Variants in ANKRD17 observed in about 807,000 individuals in gnomAD.
ANKRD17 encodes the protein ankyrin repeat domain-containing protein 17.
In ANKRD17, 19 loss-of-function variants were observed where a neutral mutation model predicts 229.7. The ratio of observed to expected loss-of-function variants is 0.08; its 90% CI spans 0.06 to 0.12. The LOEUF (loss-of-function observed/expected upper bound fraction) is 0.12, where lower values mean the gene tolerates loss of function less well. Ranked by LOEUF, ANKRD17 falls within the 10% of genes least tolerant of loss-of-function variation. The pLI is 1.00. For missense variants in ANKRD17, 2,176 were observed against 3,176.8 expected, an observed-to-expected ratio of 0.68 and a Z score of 7.57; for synonymous variants, 1,112 against 1,146.1, an observed-to-expected ratio of 0.97 and a Z score of 0.60.
intron 1 of ANKRD17, among the ~76,000 whole-genome samples, chr4:73,193,753 G>A (rs536533937): frequency 3.2e-4 from 49 of 152,154 alleles, no homozygotes; most frequent in South Asian, 1.9e-3. Flanking sequence ...GGTCAACGTG[G>A]CAAAATCCCA....
In ANKRD17 at chr4:73,078,797, G is replaced by C. The variant is rs756473976; in HGVS notation, c.7253C>G (p.Ser2418Cys). The C allele has an allele frequency of 6.2e-7, 1 of 1,614,152 alleles. No individual in the cohort carries two copies. The highest frequency in any genetic ancestry group is 8.5e-7 in the Non-Finnish European group (1 of 1,180,012). The change falls in exon 31 of 34, where the codon TCT (serine) becomes TGT (cysteine). Residue 2418 changes from serine to cysteine, a missense_variant. Coordinates refer to ENST00000358602, the MANE Select transcript of ANKRD17 (RefSeq NM_032217.5). Reference protein sequence around the residue: ...PLGSEKPSNVSQDRKVPVPIG... With the variant: ...PLGSEKPSNVCQDRKVPVPIG... The stretch of plus-strand genomic sequence containing the variant: ...AGGGACTGGAACTTTCCTGTCCTGA[G>C]ACACATTGCTGGGCTTTTCTGACCC...
At chr4:73,258,231 C>A in intron 1 of ANKRD17, 45 bp downstream of exon 1, 1 of 1,612,526 alleles carries the variant, frequency 6.2e-7, no homozygotes, top group Non-Finnish European at 8.5e-7. Flanking sequence ...GCCCCTATCC[C>A]TTACAGTCCC....
At chr4:73,246,040 C>T (rs1189697620) in intron 1 of ANKRD17, among the ~76,000 whole-genome samples, 1 of 152,094 alleles carries the variant, frequency 6.6e-6, no homozygotes, top group Non-Finnish European at 1.5e-5. Flanking sequence ...GATGTCACAC[C>T]CTCCAATGCC....
chr4:73,148,181 G>GT (rs376273698), intron 8 of ANKRD17, among the ~76,000 whole-genome samples: 13 of 152,034 alleles, frequency 8.6e-5, no homozygotes, highest in Middle Eastern at 3.4e-3. Context: ...AAAAACAAAA[G>GT]TTTTTTTTAA....
chr4:73,078,802 A>G lies in ANKRD17; in HGVS notation c.7248T>C (p.Asn2416=), dbSNP rs765171208. 3.2e-5 allele frequency: 52 copies of G among 1,613,968 alleles called. No homozygotes were observed. Among genetic ancestry groups the G allele is most frequent in the Non-Finnish European group, 2.8e-5 (33 of 1,180,026 alleles). Residue 2416 remains asparagine, a synonymous_variant, in exon 31 of 34, where the codon AAT becomes AAC. Coordinates refer to ENST00000358602, the MANE Select transcript of ANKRD17 (RefSeq NM_032217.5). ...CTGGAACTTTCCTGTCCTGAGACAC[A>G]TTGCTGGGCTTTTCTGACCCTAACG... is the stretch of plus-strand genomic sequence containing the variant. The part of the protein sequence containing the change: ...SVPLGSEKPS[N]VSQDRKVPVP...
intron 1 of ANKRD17, among the ~76,000 whole-genome samples, chr4:73,251,207 T>C (rs1413005558): frequency 1.3e-5 from 2 of 152,238 alleles, no homozygotes; most frequent in Non-Finnish European, 1.5e-5. Context: ...ATTAGAGCTA[T>C]ATTATTTGAA....
At chr4:73,124,288 G>GAAAAAAA (rs59284237) in intron 18 of ANKRD17, among the ~76,000 whole-genome samples, 6 of 96,230 alleles carry the variant, frequency 6.2e-5, no homozygotes, top group African/African-American at 1.4e-4. Context: ...GACTGAATTT[G>GAAAAAAA]AAAAAAAAAA....
At chr4:73,123,272 G>A (rs1726998141) in intron 18 of ANKRD17, among the ~76,000 whole-genome samples, 2 of 151,818 alleles carry the variant, frequency 1.3e-5, no homozygotes, top group South Asian at 4.1e-4. Context: ...ATGATTGAAA[G>A]GCAAAATTTT....
intron 24 of ANKRD17, among the ~76,000 whole-genome samples, chr4:73,105,134 G>A (rs1356563532): frequency 6.6e-6 from 1 of 152,058 alleles, no homozygotes; most frequent in Admixed American, 6.6e-5. Context: ...ACCTTCTGGG[G>A]GGAGATACCA....
At chr4:73,183,785 G>A (rs765208854) in intron 1 of ANKRD17, among the ~76,000 whole-genome samples, 2 of 151,942 alleles carry the variant, frequency 1.3e-5, no homozygotes, top group South Asian at 2.1e-4. Flanking sequence ...TTTTTTATAC[G>A]AGTCTCTGTA....
rs1720917841 is a variant in ANKRD17 at position 73,075,088 on chromosome 4, T to A, written c.*1143A>T. The A allele has an allele frequency of 1.3e-5, 2 of 152,386 alleles. No homozygotes were observed. The highest frequency in any genetic ancestry group is 2.1e-4 in the South Asian group (1 of 4,826). The allele number at this position is 152,386 out of a possible 1,614,324, so 9.4% of individuals were successfully genotyped here. A position where few individuals can be genotyped will look rare whatever the true frequency, so the allele number is the denominator to read the frequency against. On this transcript the variant is annotated 3_prime_UTR_variant, in exon 34 of 34. Transcript: ENST00000358602. ...ATTAACTGTTGATCCTTTTCACTGA[T>A]AATATACAAGGGTAAAAAAGCAGGA...
chr4:73,088,723 C>A (rs1352472006), intron 29 of ANKRD17, among the ~76,000 whole-genome samples: 1 of 152,056 alleles, frequency 6.6e-6, no homozygotes, highest in Non-Finnish European at 1.5e-5. Flanking sequence ...TTACTGACCA[C>A]CTTCATTAAA....
Position 73,139,720 on chromosome 4 carries a change from C to A in ANKRD17, c.2896G>T (p.Ala966Ser), listed in dbSNP as rs1456575096. The change falls in exon 15 of 34, where the codon GCA (alanine) becomes TCA (serine). Residue 966 changes from alanine to serine, a missense_variant. Physicochemically the swap from Ala to Ser is moderately conservative, Grantham distance 99. Around this residue, in one of 18 missense-constraint regions of ANKRD17, gnomAD observed 230 missense variants for 252.3 expected, o/e 0.91. Coordinates refer to ENST00000358602, the MANE Select transcript of ANKRD17 (RefSeq NM_032217.5). ...LAMPQALPLA[A>S]GPLPPGSIAN... ...ATGGACCCTGGAGGCAAGGGACCTGCCGCCAGAGGCAAAGCTTGAGGCATC... is the reference window on the plus strand; with the variant it reads ...ATGGACCCTGGAGGCAAGGGACCTGACGCCAGAGGCAAAGCTTGAGGCATC... The A allele has an allele frequency of 1.2e-6, 2 of 1,614,182 alleles. No individual in the cohort carries two copies. Among genetic ancestry groups the A allele is most frequent in the Non-Finnish European group, 8.5e-7 (1 of 1,180,036 alleles).
At chr4:73,175,394 A>G (rs1181414867) in intron 2 of ANKRD17, among the ~76,000 whole-genome samples, 1 of 152,148 alleles carries the variant, frequency 6.6e-6, no homozygotes, top group Non-Finnish European at 1.5e-5. Context: ...CATGGGGATA[A>G]TGGGGATTAC....
intron 27 of ANKRD17, among the ~76,000 whole-genome samples, chr4:73,096,491 A>T (rs1723315968): frequency 6.6e-6 from 1 of 152,202 alleles, no homozygotes; most frequent in Admixed American, 6.5e-5. Context: ...GATTAACAGT[A>T]GTTACTAAGT....
At chr4:73,141,230 T>C (rs1435407649) in intron 14 of ANKRD17, among the ~76,000 whole-genome samples, 3 of 152,194 alleles carry the variant, frequency 2.0e-5, no homozygotes, top group Non-Finnish European at 4.4e-5. Flanking sequence ...TGGTGTAACA[T>C]ACACAAGTCA....
chr4:73,146,974 T>C, intron 9 of ANKRD17, 101 bp from the exon 10 acceptor site: 1 of 946,704 alleles, frequency 1.1e-6, no homozygotes, highest in Non-Finnish European at 1.6e-6. Flanking sequence ...CCTCCTCAAG[T>C]TAAACAAATT....
At chr4:73,221,852 A>G (rs1348778179) in intron 1 of ANKRD17, among the ~76,000 whole-genome samples, 1 of 152,198 alleles carries the variant, frequency 6.6e-6, no homozygotes, top group African/African-American at 2.4e-5. Flanking sequence ...TTCATTCTGC[A>G]GAACAACCAT....
At chr4:73,139,243 A>T (rs771079896) in intron 15 of ANKRD17, among the ~76,000 whole-genome samples, 35 of 152,168 alleles carry the variant, frequency 2.3e-4, no homozygotes, top group Non-Finnish European at 4.3e-4. Context: ...AAGGAAAAAA[A>T]TGAAAACAAA....
Sources: allele counts gnomAD v4.1 joint callset (sites outside exome capture counted in the v4.1 genomes callset), GRCh38; gene constraint gnomAD v4.1.1; regional missense constraint gnomAD v4.1.1; transcripts MANE v1.5; gene names NCBI Gene and HGNC (gene_info 2026-07-23, HGNC 2026-07-21).